TIAM2: variants seen among roughly 807,000 people sequenced by gnomAD.
TIAM2 encodes the protein rho guanine nucleotide exchange factor TIAM2.
In TIAM2, 80 loss-of-function variants were observed where a neutral mutation model predicts 152.9. That is an observed-to-expected ratio of 0.52 (90% confidence interval 0.44 to 0.63). TIAM2 has a LOEUF of 0.63. Among genes scored for constraint, TIAM2 ranks in the 30% least tolerant of loss-of-function variants. The pLI is 0.00. For synonymous variants in TIAM2, 804 were observed against 838.0 expected (o/e 0.96, Z 0.70); for missense variants, 1,965 against 2,120.1 (o/e 0.93, Z 1.44).
chr6:155,048,547 A>AG (rs1384899989), intron 1 of TIAM2, among the ~76,000 whole-genome samples: 1 of 134,160 alleles, frequency 7.5e-6, no homozygotes, highest in Non-Finnish European at 1.7e-5. Context: ...ACAGAGCAAG[A>AG]GAAGGGAGAA....
chr6:155,178,029 C>T (rs530283374), intron 10 of TIAM2, among the ~76,000 whole-genome samples: 148 of 152,032 alleles, frequency 9.7e-4, no homozygotes, highest in Middle Eastern at 6.8e-3. Flanking sequence ...GGTGTGGTGG[C>T]GGGCGCCTGT....
chr6:155,226,841 CTG>C lies in TIAM2; in HGVS notation c.3169-13688_3169-13687del, dbSNP rs148483845. On this transcript the variant is annotated intron_variant, in intron 15 of 26. Coordinates refer to ENST00000682666, the MANE Select transcript of TIAM2 (RefSeq NM_012454.4). ...TGTGTGTCTGTCCCCATCAGTGAAA[CTG>C]GGGCTTGGTTTCTTCTGGAGAAGAA... 2.5e-3 allele frequency among the ~76,000 whole-genome samples: 381 copies of C among 152,338 alleles called. 1 individual carries two copies. Among genetic ancestry groups the C allele is most frequent in the African/African-American group, 8.7e-3 (362 of 41,566 alleles).
At chr6:155,090,407 A>G (rs1406050912) in intron 2 of TIAM2, 28 bp downstream of exon 2, 1 of 152,170 alleles carries the variant, frequency 6.6e-6, no homozygotes, top group Non-Finnish European at 1.5e-5. Flanking sequence ...GTATATCTCA[A>G]AGGCTTTAAA....
At position 155,251,032 on chromosome 6, in the gene TIAM2, CAT is replaced by C. The variant is rs761487634; in HGVS notation, c.4060+12_4060+13del. The C allele has an allele frequency of 1.9e-6, 3 of 1,609,518 alleles. No individual in the cohort carries two copies. Among genetic ancestry groups the C allele is most frequent in the Admixed American group, 3.3e-5 (2 of 60,010 alleles). ...AGCTCACAGTATTTGGTTAGTATTC[CAT>C]TCAGAAGAATGCAGACTGAACAGAG... is the stretch of plus-strand genomic sequence containing the variant. On this transcript the variant is annotated intron_variant, in intron 22 of 26. Transcript: ENST00000682666.
At chr6:155,100,035 G>A (rs1046597690) in intron 2 of TIAM2, among the ~76,000 whole-genome samples, 2 of 134,612 alleles carry the variant, frequency 1.5e-5, no homozygotes, top group African/African-American at 2.6e-5. Flanking sequence ...TGGAACCACC[G>A]TATATGCAGT....
intron 9 of TIAM2, among the ~76,000 whole-genome samples, chr6:155,169,452 T>G (rs1780524260): frequency 6.6e-6 from 1 of 152,248 alleles, no homozygotes; most frequent in East Asian, 1.9e-4. Context: ...TAACTCCATT[T>G]TAAAATTAGT....
At chr6:155,184,729 A>G (rs1437693698) in intron 14 of TIAM2, among the ~76,000 whole-genome samples, 1 of 152,232 alleles carries the variant, frequency 6.6e-6, no homozygotes, top group Non-Finnish European at 1.5e-5. Flanking sequence ...TTTGGAATTA[A>G]AAAATCAGAT....
At chr6:155,222,494 G>C (rs920955228) in intron 15 of TIAM2, among the ~76,000 whole-genome samples, 2 of 151,772 alleles carry the variant, frequency 1.3e-5, no homozygotes, top group African/African-American at 4.8e-5. Flanking sequence ...CCAGCTACTC[G>C]GGAGGCTGAG....
intron 6 of TIAM2, 143 bp from the exon 7 acceptor site, chr6:155,147,967 T>C (rs1779856074): frequency 1.3e-6 from 1 of 768,006 alleles, no homozygotes; most frequent in South Asian, 1.7e-5. Flanking sequence ...AGTTGAATGG[T>C]TGAATGTGTT....
chr6:155,106,261 T>C (rs900512479), intron 2 of TIAM2, among the ~76,000 whole-genome samples: 25 of 152,200 alleles, frequency 1.6e-4, no homozygotes, highest in African/African-American at 5.1e-4. Context: ...CTCCTCGGCC[T>C]CCCAACGTGC....
chr6:155,071,003 C>G (rs1281441620), intron 1 of TIAM2, among the ~76,000 whole-genome samples: 2 of 152,122 alleles, frequency 1.3e-5, no homozygotes, highest in East Asian at 3.9e-4. Flanking sequence ...AAAACCCTGT[C>G]TCTACTACTA....
intron 10 of TIAM2, among the ~76,000 whole-genome samples, chr6:155,177,784 C>A (rs963187259): frequency 6.6e-6 from 1 of 152,098 alleles, no homozygotes; most frequent in African/African-American, 2.4e-5. Flanking sequence ...TCCTTTTGCT[C>A]CCATATGTAA....
intron 1 of TIAM2, among the ~76,000 whole-genome samples, chr6:155,077,186 T>TC: frequency 6.6e-6 from 1 of 152,070 alleles, no homozygotes; most frequent in Non-Finnish European, 1.5e-5. Context: ...AGTAATTTTT[T>TC]TTTTTTTTTT....
chr6:155,233,140 A>T (rs1782567124), intron 15 of TIAM2, among the ~76,000 whole-genome samples: 5 of 152,162 alleles, frequency 3.3e-5, no homozygotes, highest in Admixed American at 3.3e-4. Flanking sequence ...AGTAGCTACA[A>T]AATTTCAGGC....
chr6:155,018,925 A>G (rs1199319730), intron 1 of TIAM2, among the ~76,000 whole-genome samples: 1 of 149,042 alleles, frequency 6.7e-6, no homozygotes, highest in Non-Finnish European at 1.5e-5. Flanking sequence ...CTGTAATCCC[A>G]GCTACTTGGG....
intron 1 of TIAM2, among the ~76,000 whole-genome samples, chr6:155,001,129 A>G (rs146762028): frequency 9.9e-5 from 15 of 152,254 alleles, no homozygotes; most frequent in African/African-American, 3.4e-4. Flanking sequence ...CAGACATGGA[A>G]GAAGATTCCA....
At chr6:155,201,650 C>T (rs1334818481) in intron 14 of TIAM2, among the ~76,000 whole-genome samples, 5 of 152,170 alleles carry the variant, frequency 3.3e-5, no homozygotes, top group South Asian at 2.1e-4. Flanking sequence ...CGCTCTTTTT[C>T]GTTGTTCTAA....
chr6:155,094,509 T>TGC (rs1778369739), intron 2 of TIAM2, among the ~76,000 whole-genome samples: 2 of 150,982 alleles, frequency 1.3e-5, no homozygotes, highest in Non-Finnish European at 2.9e-5. Flanking sequence ...TCTGTGTCTT[T>TGC]AGACTGCATG....
chr6:155,187,529 A>G (rs1421024334), intron 14 of TIAM2, among the ~76,000 whole-genome samples: 12 of 149,380 alleles, frequency 8.0e-5, no homozygotes, highest in Non-Finnish European at 1.2e-4. Flanking sequence ...CACCTCCTGC[A>G]AGAGGCTTGG....
Sources: gnomAD v4.1 joint callset for allele counts (sites outside exome capture counted in the v4.1 genomes callset) on GRCh38, gnomAD v4.1.1 for gene constraint, MANE v1.5 for transcripts, NCBI Gene and HGNC (gene_info 2026-07-23, HGNC 2026-07-21) for gene names.